Variants in PTPRE observed in about 807,000 individuals in gnomAD.
PTPRE encodes receptor-type tyrosine-protein phosphatase epsilon.
A neutral mutation model predicts 102.0 loss-of-function variants in PTPRE; 51 were observed. The ratio of observed to expected loss-of-function variants is 0.50; its 90% CI spans 0.40 to 0.63. The LOEUF (loss-of-function observed/expected upper bound fraction) is 0.63, where lower values mean the gene tolerates loss of function less well. Among genes scored for constraint, PTPRE ranks in the 30% least tolerant of loss-of-function variants. The pLI is 0.00. For missense variants in PTPRE, 752 were observed against 915.1 expected (o/e 0.82, Z 2.30); for synonymous variants, 345 against 348.2 (o/e 0.99, Z 0.10).
At chr10:128,051,468 A>G (rs925867608) in intron 6 of PTPRE, among the ~76,000 whole-genome samples, 1 of 152,284 alleles carries the variant, frequency 6.6e-6, no homozygotes. Context: ...AAAGGAAGAC[A>G]GGCTTGGGCC....
intron 2 of PTPRE, among the ~76,000 whole-genome samples, chr10:127,991,082 G>A (rs1852604469): frequency 6.6e-6 from 1 of 152,186 alleles, no homozygotes. Context: ...CATCTCGTCA[G>A]AAACCATGGA....
intron 10 of PTPRE, among the ~76,000 whole-genome samples, chr10:128,064,573 G>A (rs1168676863): frequency 2.0e-5 from 3 of 152,216 alleles, no homozygotes; most frequent in Non-Finnish European, 2.9e-5. Flanking sequence ...GTCTTCCTGG[G>A]GTTGGTGCTC....
intron 1 of PTPRE, chr10:127,929,560 G>T (rs548856532): frequency 6.6e-6 from 1 of 152,276 alleles, no homozygotes; most frequent in Admixed American, 6.5e-5. Flanking sequence ...GTTTCCAGAG[G>T]GTTCCCTGGA....
chr10:128,079,748 G>T, intron 20 of PTPRE, 53 bp downstream of exon 20: 1 of 1,562,324 alleles, frequency 6.4e-7, no homozygotes, highest in Non-Finnish European at 8.8e-7. Flanking sequence ...ATTTCATGTT[G>T]TATTTGATGT....
chr10:127,909,176 C>T (rs540192790), intron 1 of PTPRE, among the ~76,000 whole-genome samples: 1 of 152,346 alleles, frequency 6.6e-6, no homozygotes, highest in South Asian at 2.1e-4. Context: ...GGAGCCCCCT[C>T]TTCTCCAGGG....
chr10:127,982,054 T>C (rs1232574076), intron 1 of PTPRE, among the ~76,000 whole-genome samples: 3 of 152,068 alleles, frequency 2.0e-5, no homozygotes, highest in African/African-American at 7.2e-5. Context: ...CATCAACTGA[T>C]CATTAGAGGT....
At chr10:127,948,427 G>T (rs748132857) in intron 1 of PTPRE, among the ~76,000 whole-genome samples, 10 of 152,104 alleles carry the variant, frequency 6.6e-5, no homozygotes, top group Non-Finnish European at 1.2e-4. Context: ...CTATGCATTT[G>T]GACAGATATA....
intron 1 of PTPRE, among the ~76,000 whole-genome samples, chr10:127,909,225 G>A (rs1437273569): frequency 2.0e-5 from 3 of 152,164 alleles, no homozygotes; most frequent in Non-Finnish European, 4.4e-5. Context: ...GAGTAGATGC[G>A]GCTGTGTGTG....
At chr10:128,065,942 G>A in intron 10 of PTPRE, 133 bp from the exon 11 acceptor site, 1 of 1,339,068 alleles carries the variant, frequency 7.5e-7, no homozygotes, top group Non-Finnish European at 1.1e-6. Flanking sequence ...CGACACACGT[G>A]AACTTGTTTC....
chr10:127,930,936 G>A (rs35605322), intron 1 of PTPRE, among the ~76,000 whole-genome samples: 7,426 of 151,936 alleles, frequency 0.049, 232 homozygotes, highest in East Asian at 0.081. Context: ...GGGATTACGA[G>A]CGCGTGCCAC....
chr10:128,028,457 G>A lies in PTPRE; in HGVS notation c.-7-12418G>A, dbSNP rs1486139455. 2.0e-5 allele frequency among the ~76,000 whole-genome samples: 3 copies of A among 152,154 alleles called. No individual in the cohort carries two copies. Among genetic ancestry groups the A allele is most frequent in the African/African-American group, 7.2e-5 (3 of 41,440 alleles). On this transcript the variant is annotated intron_variant, in intron 2 of 20. Transcript: ENST00000254667. This position sits in a 1 kb window ranked among gnomAD's most constrained non-coding sequence, Gnocchi z 4.5. ...TTTCTTTCTCCAGCTGCCTCTGAAG[G>A]TCACAGAATCTGCATTTCTTAGGAA...
rs1849683879 is a variant in PTPRE at position 128,062,375 on chromosome 10, A to T, written c.625+660A>T. 3.3e-5 allele frequency among the ~76,000 whole-genome samples: 5 copies of T among 152,246 alleles called. No homozygotes were observed. In the South Asian group the frequency reaches 1.0e-3, roughly 32 times the overall value. ...ACACACATGTGCACACGCAGAGGCC[A>T]TCAGGAATGTGCCCAGCTGGAAACC... On this transcript the variant is annotated intron_variant, in intron 9 of 20. Coordinates refer to ENST00000254667, the MANE Select transcript of PTPRE (RefSeq NM_006504.6).
chr10:128,062,594 G>A (rs1374587816), intron 9 of PTPRE, among the ~76,000 whole-genome samples: 1 of 152,226 alleles, frequency 6.6e-6, no homozygotes, highest in Non-Finnish European at 1.5e-5. Flanking sequence ...ACAGGAAGTG[G>A]ATAGGGGCAG....
At chr10:128,067,064 A>C (rs1454907502) in intron 11 of PTPRE, among the ~76,000 whole-genome samples, 1 of 151,540 alleles carries the variant, frequency 6.6e-6, no homozygotes, top group Non-Finnish European at 1.5e-5. Context: ...ATGCACATGC[A>C]CACGTACACC....
chr10:128,030,810 C>T (rs1846682752), intron 2 of PTPRE, among the ~76,000 whole-genome samples: 1 of 152,180 alleles, frequency 6.6e-6, no homozygotes, highest in Non-Finnish European at 1.5e-5. Context: ...TCTCTGTCCC[C>T]TGCAGGCCTC....
intron 2 of PTPRE, among the ~76,000 whole-genome samples, chr10:128,019,974 C>T (rs542466482): frequency 1.3e-3 from 200 of 151,612 alleles, no homozygotes; most frequent in African/African-American, 4.7e-3. Flanking sequence ...TCAGGTTGGT[C>T]GACATGTGTT....
intron 19 of PTPRE, 116 bp from the exon 20 acceptor site, chr10:128,079,444 A>G: frequency 7.4e-7 from 1 of 1,357,132 alleles, no homozygotes; most frequent in Middle Eastern, 2.7e-4. Context: ...TCAAACTCAG[A>G]TCATTTTCAG....
intron 2 of PTPRE, among the ~76,000 whole-genome samples, chr10:128,017,243 A>G (rs1845507643): frequency 1.3e-5 from 2 of 152,132 alleles, no homozygotes; most frequent in African/African-American, 4.8e-5. Context: ...AGGGGAATGG[A>G]TCAAAAGAGT....
intron 2 of PTPRE, among the ~76,000 whole-genome samples, chr10:128,013,758 C>T (rs149356914): frequency 1.9e-4 from 29 of 152,236 alleles, no homozygotes; most frequent in South Asian, 6.2e-4. Context: ...ACACCACATC[C>T]GCTGGCACCT....
Sources: gnomAD v4.1 joint callset for allele counts (sites outside exome capture counted in the v4.1 genomes callset) on GRCh38, gnomAD v4.1.1 for gene constraint, Gnocchi (gnomAD v3.1) non-coding constraint, MANE v1.5 for transcripts, NCBI Gene and HGNC (gene_info 2026-07-23, HGNC 2026-07-21) for gene names.